Variants in TMEM245 observed in about 807,000 individuals in gnomAD.
The protein encoded by TMEM245 is protein CG-2.
TMEM245 carries 69 observed loss-of-function variants against 101.2 expected under a neutral mutation model. The observed-to-expected ratio is 0.68, with a 90% CI of 0.56 to 0.83. The LOEUF (loss-of-function observed/expected upper bound fraction) is 0.83. TMEM245 is among the 40% of genes least tolerant of loss of function. The probability of loss-of-function intolerance (pLI) is 0.00; values close to 1 mark genes in which losing one functional copy is unlikely to be tolerated. For synonymous variants in TMEM245, 537 were observed against 449.8 expected, an observed-to-expected ratio of 1.19 and a Z score of -2.45; for missense variants, 1,075 against 1,092.8, an observed-to-expected ratio of 0.98 and a Z score of 0.23.
At chr9:109,026,742 G>T (rs1827802917) in intron 17 of TMEM245, among the ~76,000 whole-genome samples, 1 of 151,494 alleles carries the variant, frequency 6.6e-6, no homozygotes, top group Non-Finnish European at 1.5e-5. Flanking sequence ...CTAGTGGGAG[G>T]TGTTTGGGCC....
rs1396693566 is a variant in TMEM245 at position 109,015,363 on chromosome 9, G to C, written c.*5097C>G. On this transcript the variant is annotated 3_prime_UTR_variant, in exon 18 of 18. Transcript: ENST00000374586. Reference sequence around the variant, plus strand: ...GATACATTTTCAAAGAGTTATGTAAGCAATTACAACTCTATATCAAATCTT... The same window carrying C: ...GATACATTTTCAAAGAGTTATGTAACCAATTACAACTCTATATCAAATCTT... 6.6e-6 allele frequency: 1 copy of C among 152,100 alleles called. No individual in the cohort carries two copies. Among genetic ancestry groups the C allele is most frequent in the Admixed American group, 6.6e-5 (1 of 15,266 alleles). 9.4% of individuals were successfully genotyped at this position (152,100 alleles called of 1,614,324 possible). A position where few individuals can be genotyped will look rare whatever the true frequency, so the allele number is the denominator to read the frequency against.
intron 17 of TMEM245, among the ~76,000 whole-genome samples, chr9:109,031,514 G>A (rs138739865): frequency 7.2e-5 from 11 of 152,282 alleles, no homozygotes; most frequent in Admixed American, 1.3e-4. Context: ...TGACTCAAGA[G>A]TACCTACCTA....
chr9:109,089,784 T>C (rs1421552160), intron 5 of TMEM245, among the ~76,000 whole-genome samples: 1 of 152,208 alleles, frequency 6.6e-6, no homozygotes, highest in Admixed American at 6.5e-5. Context: ...AAAGACCTGA[T>C]TTAATGGATT....
At chr9:109,058,298 C>G (rs900396087) in intron 11 of TMEM245, among the ~76,000 whole-genome samples, 2 of 151,904 alleles carry the variant, frequency 1.3e-5, no homozygotes, top group Non-Finnish European at 2.9e-5. Flanking sequence ...GCCACCACGC[C>G]CAGCCCTCAT....
intron 7 of TMEM245, among the ~76,000 whole-genome samples, chr9:109,085,566 A>G (rs1354870259): frequency 2.6e-5 from 4 of 152,246 alleles, no homozygotes; most frequent in African/African-American, 9.6e-5. Context: ...GAAACCATAC[A>G]AATATTTCAC....
At chr9:109,049,706 A>C (rs1828614795) in intron 14 of TMEM245, among the ~76,000 whole-genome samples, 1 of 152,142 alleles carries the variant, frequency 6.6e-6, no homozygotes, top group Non-Finnish European at 1.5e-5. Flanking sequence ...GCACGCCTGT[A>C]ATCCCAGCTA....
chr9:109,061,606 A>AC (rs1829013973), intron 10 of TMEM245, among the ~76,000 whole-genome samples: 1 of 152,062 alleles, frequency 6.6e-6, no homozygotes, highest in South Asian at 2.1e-4. Context: ...TTGCTCTGTC[A>AC]CCCAGGCTGA....
chr9:109,098,887 C>A (rs141676523), intron 3 of TMEM245, among the ~76,000 whole-genome samples: 4 of 152,118 alleles, frequency 2.6e-5, no homozygotes, highest in African/African-American at 9.7e-5. Flanking sequence ...ACTCAGAGTC[C>A]GGCACACAAG....
At chr9:109,107,398 CAAAAAAAAA>C (rs5899836) in intron 2 of TMEM245, among the ~76,000 whole-genome samples, 1 of 100,732 alleles carries the variant, frequency 9.9e-6, no homozygotes, top group Non-Finnish European at 2.1e-5. Context: ...GACTCTGTCT[CAAAAAAAAA>C]AAAAAAAAAA....
At chr9:109,025,264 G>GT (rs1432783599) in intron 17 of TMEM245, among the ~76,000 whole-genome samples, 1 of 152,172 alleles carries the variant, frequency 6.6e-6, no homozygotes, top group Admixed American at 6.5e-5. Flanking sequence ...CAGAGATGGG[G>GT]TTTCACCATG....
At chr9:109,059,768 T>C (rs1050660674) in intron 11 of TMEM245, among the ~76,000 whole-genome samples, 13 of 152,038 alleles carry the variant, frequency 8.6e-5, no homozygotes, top group Non-Finnish European at 4.4e-5. Flanking sequence ...AGAAAAGTTA[T>C]TAATGCCTAC....
chr9:109,117,746 T>C (rs61274997), intron 1 of TMEM245, among the ~76,000 whole-genome samples: 32,766 of 152,160 alleles, frequency 0.22, 3,725 homozygotes, highest in East Asian at 0.34. Flanking sequence ...TTTTCTACTT[T>C]CCTATAGTTT....
At chr9:109,034,193 G>A (rs1003112587) in intron 16 of TMEM245, among the ~76,000 whole-genome samples, 1 of 152,212 alleles carries the variant, frequency 6.6e-6, no homozygotes, top group East Asian at 1.9e-4. Flanking sequence ...TGGGAAATAA[G>A]TCACATTCTG....
chr9:109,092,901 G>T (rs1417843889), intron 4 of TMEM245, among the ~76,000 whole-genome samples: 1 of 152,154 alleles, frequency 6.6e-6, no homozygotes, highest in Non-Finnish European at 1.5e-5. Context: ...TGTTTGAGGG[G>T]TCAATATATT....
Position 109,032,838 on chromosome 9 carries a change from G to A in TMEM245, c.2594+469C>T, listed in dbSNP as rs1211329661. ...TTTTTTTTTTTTTTTATATGCTGTT[G>A]CCCAGGCTAGAGTCCAGTGGCACAA... On this transcript the variant is annotated intron_variant, in intron 17 of 17. Coordinates refer to ENST00000374586, the MANE Select transcript of TMEM245 (RefSeq NM_032012.4). 7.9e-5 allele frequency among the ~76,000 whole-genome samples: 8 copies of A among 101,808 alleles called. No individual in the cohort carries two copies. The East Asian group carries it at 2.3e-3, about 29-fold the overall frequency. The allele number at this position is 101,808 out of a possible 152,430, so 66.8% of individuals were successfully genotyped here.
intron 1 of TMEM245, among the ~76,000 whole-genome samples, chr9:109,110,916 A>C (rs140531009): frequency 0.011 from 1,744 of 152,300 alleles, 13 homozygotes; most frequent in South Asian, 0.031. Context: ...GAGTCAGCCT[A>C]TGACTAGTAG....
chr9:109,119,917 T>A lies in TMEM245; in HGVS notation c.-4A>T. On this transcript the variant is annotated 5_prime_UTR_variant, in exon 1 of 18. Coordinates refer to ENST00000374586, the MANE Select transcript of TMEM245 (RefSeq NM_032012.4). ...TAGGGCCGCCGCCGTCGGCCATCGT[T>A]CCTCCGCCACAGCCGCCCCCGAGGG... 1 of 1,280,984 alleles carries A rather than the reference T, an allele frequency of 7.8e-7. No homozygotes were observed. Among genetic ancestry groups the A allele is most frequent in the Non-Finnish European group, 9.8e-7 (1 of 1,018,538 alleles). 79.4% of individuals were successfully genotyped at this position (1,280,984 alleles called of 1,614,324 possible).
chr9:109,116,375 ACTTT>A (rs1160032945), intron 1 of TMEM245, among the ~76,000 whole-genome samples: 1 of 152,082 alleles, frequency 6.6e-6, no homozygotes, highest in African/African-American at 2.4e-5. Context: ...CTTAATCTGC[ACTTT>A]CTTTCTTATT....
At chr9:109,051,661 G>T (rs541463436) in intron 12 of TMEM245, among the ~76,000 whole-genome samples, 1 of 152,220 alleles carries the variant, frequency 6.6e-6, no homozygotes, top group South Asian at 2.1e-4. Context: ...GACCATGATT[G>T]CATTTTGTGG....
Sources: allele counts gnomAD v4.1 joint callset (sites outside exome capture counted in the v4.1 genomes callset), GRCh38; gene constraint gnomAD v4.1.1; transcripts MANE v1.5; gene names NCBI Gene and HGNC (gene_info 2026-07-23, HGNC 2026-07-21).